CAST: variants seen among roughly 807,000 people sequenced by gnomAD.
The protein encoded by CAST is MIR583 host.
A neutral mutation model predicts 119.6 loss-of-function variants in CAST; 76 were observed. The observed-to-expected ratio is 0.64, with a 90% CI of 0.53 to 0.77. The LOEUF is 0.77. Among genes scored for constraint, CAST ranks in the 30% least tolerant of loss-of-function variants. The pLI, the probability that CAST is intolerant of heterozygous loss-of-function variation, is 0.00. For synonymous variants in CAST, 319 were observed against 331.6 expected, an observed-to-expected ratio of 0.96 and a Z score of 0.41; for missense variants, 953 against 946.5, an observed-to-expected ratio of 1.01 and a Z score of -0.09.
At chr5:96,669,711 A>C (rs1299498391) in intron 1 of CAST, among the ~76,000 whole-genome samples, 1 of 152,178 alleles carries the variant, frequency 6.6e-6, no homozygotes, top group Non-Finnish European at 1.5e-5. Context: ...ATCAGAGTTT[A>C]CCCAGGAGGA....
the CAST span, among the ~76,000 whole-genome samples, chr5:96,030,540 C>G: frequency 3.0e-4 from 46 of 152,242 alleles, no homozygotes; most frequent in African/African-American, 1.1e-3. Flanking sequence ...GGGAGTTAGG[C>G]TGTAAGTATG....
At chr5:96,411,215 C>T in the CAST span, among the ~76,000 whole-genome samples, 1 of 152,218 alleles carries the variant, frequency 6.6e-6, no homozygotes, top group Non-Finnish European at 1.5e-5. Context: ...TGGGGTAGGG[C>T]TGAGCACACG....
At chr5:96,429,142 T>C in the CAST span, 1 of 835,044 alleles carries the variant, frequency 1.2e-6, no homozygotes, top group Non-Finnish European at 2.0e-6. Flanking sequence ...AATGCTTCTG[T>C]TTTTATTAGA....
the CAST span, among the ~76,000 whole-genome samples, chr5:96,006,378 G>GC: frequency 2.4e-5 from 3 of 123,046 alleles, no homozygotes; most frequent in African/African-American, 1.2e-4. Flanking sequence ...AAGAAAAATC[G>GC]CAAAAAAAAA....
the CAST span, among the ~76,000 whole-genome samples, chr5:96,096,451 A>C: frequency 2.0e-5 from 3 of 152,188 alleles, no homozygotes; most frequent in African/African-American, 7.2e-5. Flanking sequence ...ACAGAAAAGG[A>C]CAAAGGAAGG....
At chr5:96,437,632 A>G in the CAST span, among the ~76,000 whole-genome samples, 5 of 152,176 alleles carry the variant, frequency 3.3e-5, no homozygotes, top group Non-Finnish European at 5.9e-5. Context: ...TCTTGTCCAC[A>G]TACCAGCATT....
intron 3 of CAST, among the ~76,000 whole-genome samples, chr5:96,715,413 C>G (rs1757025312): frequency 1.3e-5 from 2 of 152,124 alleles, no homozygotes; most frequent in South Asian, 4.2e-4. Context: ...GATATGAGGG[C>G]AGTCAACTTG....
At chr5:96,717,344 C>T (rs142797772) in intron 3 of CAST, among the ~76,000 whole-genome samples, 48 of 152,198 alleles carry the variant, frequency 3.2e-4, no homozygotes, top group African/African-American at 1.1e-3. Context: ...TCTTCAAGGG[C>T]AGGGAAGATG....
At chr5:96,560,060 C>T (rs1305574034) in intron 1 of CAST, among the ~76,000 whole-genome samples, 1 of 152,048 alleles carries the variant, frequency 6.6e-6, no homozygotes, top group Non-Finnish European at 1.5e-5. Context: ...CACATATCTA[C>T]AACTATCTGA....
At chr5:96,045,793 A>G in the CAST span, among the ~76,000 whole-genome samples, 2 of 152,296 alleles carry the variant, frequency 1.3e-5, no homozygotes, top group Admixed American at 6.5e-5. Flanking sequence ...GGATTTAACC[A>G]TGATGTCCTA....
the CAST span, among the ~76,000 whole-genome samples, chr5:96,160,562 G>A: frequency 6.6e-6 from 1 of 152,066 alleles, no homozygotes; most frequent in South Asian, 2.1e-4. Context: ...GAATACTGCT[G>A]CTGTAAACAT....
the CAST span, among the ~76,000 whole-genome samples, chr5:96,299,528 C>G: frequency 6.6e-6 from 1 of 152,176 alleles, no homozygotes; most frequent in Admixed American, 6.5e-5. Context: ...TCCCCTGCTC[C>G]CATGCTCCTG....
chr5:96,239,771 GT>G, the CAST span, among the ~76,000 whole-genome samples: 3 of 150,866 alleles, frequency 2.0e-5, no homozygotes, highest in Non-Finnish European at 4.4e-5. Flanking sequence ...TTAAATATCT[GT>G]TCTTTTTCTC....
At chr5:96,442,790 A>ACTG in the CAST span, among the ~76,000 whole-genome samples, 1 of 152,140 alleles carries the variant, frequency 6.6e-6, no homozygotes, top group South Asian at 2.1e-4. Flanking sequence ...TTACCCTACC[A>ACTG]CTGCTGCTGC....
the CAST span, among the ~76,000 whole-genome samples, chr5:96,384,563 C>T: frequency 6.6e-6 from 1 of 152,286 alleles, no homozygotes; most frequent in East Asian, 1.9e-4. Flanking sequence ...ACAGTTGGCA[C>T]CTCTTTTCCG....
chr5:95,971,804 T>C, the CAST span, among the ~76,000 whole-genome samples: 1 of 152,176 alleles, frequency 6.6e-6, no homozygotes, highest in African/African-American at 2.4e-5. Flanking sequence ...TTTTTATTGC[T>C]CAATACTATT....
At chr5:96,252,051 G>A in the CAST span, among the ~76,000 whole-genome samples, 1 of 152,124 alleles carries the variant, frequency 6.6e-6, no homozygotes, top group Non-Finnish European at 1.5e-5. Context: ...AGGTAGATGA[G>A]TGCAAATTGT....
At chr5:96,450,175 C>T in the CAST span, among the ~76,000 whole-genome samples, 10 of 152,144 alleles carry the variant, frequency 6.6e-5, no homozygotes, top group Admixed American at 2.6e-4. Flanking sequence ...CAAGAGATGA[C>T]GACTGGATTT....
At chr5:96,619,587 T>C (rs895102302) in intron 1 of CAST, among the ~76,000 whole-genome samples, 1 of 152,198 alleles carries the variant, frequency 6.6e-6, no homozygotes, top group Admixed American at 6.5e-5. Flanking sequence ...TCCTCACTGT[T>C]TGGGTCTGCG....
Sources: allele counts gnomAD v4.1 joint callset (sites outside exome capture counted in the v4.1 genomes callset), GRCh38; gene constraint gnomAD v4.1.1; transcripts MANE v1.5; gene names NCBI Gene and HGNC (gene_info 2026-07-23, HGNC 2026-07-21).